Variants in ZC3H3 observed in about 807,000 individuals in gnomAD.
The protein encoded by ZC3H3 is zinc finger CCCH-type containing 3.
A neutral mutation model predicts 77.3 loss-of-function variants in ZC3H3; 36 were observed. The ratio of observed to expected loss-of-function variants is 0.47; its 90% confidence interval spans 0.36 to 0.61. ZC3H3 has a LOEUF of 0.61. Among genes scored for constraint, ZC3H3 ranks in the 20% least tolerant of loss-of-function variants. The probability of loss-of-function intolerance (pLI) is 0.00; values close to 1 mark genes in which losing one functional copy is unlikely to be tolerated. For synonymous variants in ZC3H3, 626 were observed against 555.2 expected, an observed-to-expected ratio of 1.13 and a Z score of -1.79; for missense variants, 1,331 against 1,312.2, an observed-to-expected ratio of 1.01 and a Z score of -0.22.
chr8:143,465,798 A>G lies in ZC3H3; in HGVS notation c.2226T>C (p.Cys742=). The part of the protein sequence containing the change: ...FLKGICSNSN[C]PYSHVYVSRK... ...GGGACACGTACACGTGGCTATAGGGACAGTTGCTGTTGCTGCAGATGCCCT... is the reference window on the plus strand; with the variant it reads ...GGGACACGTACACGTGGCTATAGGGGCAGTTGCTGTTGCTGCAGATGCCCT... The change falls in exon 9 of 12, where the codon TGT becomes TGC. Residue 742 remains cysteine, a synonymous_variant. Transcript: ENST00000262577. 6.2e-7 allele frequency: 1 copy of G among 1,613,704 alleles called. No individual in the cohort carries two copies. Among genetic ancestry groups the G allele is most frequent in the East Asian group, 2.2e-5 (1 of 44,880 alleles).
chr8:143,454,792 A>C (rs1820071916), intron 9 of ZC3H3, among the ~76,000 whole-genome samples: 1 of 152,172 alleles, frequency 6.6e-6, no homozygotes, highest in Non-Finnish European at 1.5e-5. Context: ...CCTGCCCAGG[A>C]CATGAATCAT....
intron 9 of ZC3H3, among the ~76,000 whole-genome samples, chr8:143,461,130 AAC>A (rs1820250814): frequency 6.6e-6 from 1 of 152,270 alleles, no homozygotes; most frequent in Non-Finnish European, 1.5e-5. Flanking sequence ...ATTAAAAAGT[AAC>A]ACAGTATATA....
rs1822792391 is a variant in ZC3H3, at chr8:143,536,268, G to A, written c.1550C>T (p.Pro517Leu). The A allele has an allele frequency of 6.2e-7, 1 of 1,611,102 alleles. No individual in the cohort carries two copies. Among genetic ancestry groups the A allele is most frequent in the Non-Finnish European group, 8.5e-7 (1 of 1,179,604 alleles). Reference protein sequence around the residue: ...CRLPPSRAHLPTKEASSLHAV... With the variant: ...CRLPPSRAHLLTKEASSLHAV... Reference sequence around the variant, plus strand: ...TGCTCCCAGCATACCTTCCTTGGTGGGGAGGTGGGCCCGGCTCGGTGGCAG... The same window carrying A: ...TGCTCCCAGCATACCTTCCTTGGTGAGGAGGTGGGCCCGGCTCGGTGGCAG... The change falls in exon 3 of 12, where the codon CCC (proline) becomes CTC (leucine). Residue 517 changes from proline (P) to leucine (L), a missense_variant. Physicochemically the swap from Pro to Leu is moderately conservative, Grantham distance 98 (BLOSUM62 -3). Coordinates refer to ENST00000262577, the MANE Select transcript of ZC3H3 (RefSeq NM_015117.3).
intron 9 of ZC3H3, among the ~76,000 whole-genome samples, chr8:143,451,406 A>C (rs1819983647): frequency 1.3e-5 from 2 of 152,144 alleles, no homozygotes; most frequent in Non-Finnish European, 2.9e-5. Flanking sequence ...GATGAAAAAA[A>C]CTCTAGACGC....
chr8:143,535,005 A>G (rs1286844227), intron 3 of ZC3H3, among the ~76,000 whole-genome samples: 1 of 150,742 alleles, frequency 6.6e-6, no homozygotes, highest in African/African-American at 2.4e-5. Flanking sequence ...AGCTCCTTCC[A>G]GAGCCGTCTG....
intron 9 of ZC3H3, among the ~76,000 whole-genome samples, chr8:143,450,812 C>A (rs534752162): frequency 6.6e-6 from 1 of 152,094 alleles, no homozygotes; most frequent in Admixed American, 6.5e-5. Context: ...ACTCCAACAT[C>A]GGGGATGATA....
In ZC3H3 at chr8:143,441,076, C is replaced by T; in HGVS notation, c.2352G>A (p.Arg784=). ...HTLLCPDFAR[R]GACPRGAQCQ... ...ACTGGGCGCCGCGGGGACACGCCCC[C>T]CTGCGGGCAAAGTCGGGGCACAGCA... Residue 784 remains arginine, a synonymous_variant, in exon 10 of 12, where the codon AGG becomes AGA. Coordinates refer to ENST00000262577, the MANE Select transcript of ZC3H3 (RefSeq NM_015117.3). The T allele has an allele frequency of 6.8e-7, 1 of 1,470,348 alleles. No homozygotes were observed. Among genetic ancestry groups the T allele is most frequent in the Non-Finnish European group, 8.9e-7 (1 of 1,122,170 alleles). 91.1% of individuals were successfully genotyped at this position (1,470,348 alleles called of 1,614,324 possible).
intron 3 of ZC3H3, among the ~76,000 whole-genome samples, chr8:143,534,659 A>G (rs1042137593): frequency 6.6e-6 from 1 of 151,892 alleles, no homozygotes; most frequent in Non-Finnish European, 1.5e-5. Flanking sequence ...CTCCTCCCCA[A>G]GTGACCAGGG....
intron 3 of ZC3H3, among the ~76,000 whole-genome samples, chr8:143,510,101 G>C (rs565099529): frequency 6.6e-6 from 1 of 152,224 alleles, no homozygotes; most frequent in African/African-American, 2.4e-5. Flanking sequence ...GTCAGGTCAG[G>C]CTTCTTTGCC....
intron 8 of ZC3H3, 30 bp downstream of exon 8, chr8:143,468,179 C>T (rs370157166): frequency 1.4e-5 from 22 of 1,599,444 alleles, no homozygotes; most frequent in South Asian, 7.8e-5. Context: ...GAAAGGTGCA[C>T]GGGAGCAGGG....
At position 143,468,489 on chromosome 8, in the gene ZC3H3, C is replaced by A; in HGVS notation, c.1998G>T (p.Arg666Ser). The A allele has an allele frequency of 6.2e-7, 1 of 1,608,480 alleles. No homozygotes were observed. The highest frequency in any genetic ancestry group is 8.5e-7 in the Non-Finnish European group (1 of 1,178,188). Reference protein sequence around the residue: ...LAIIRQARQRREKRKEYCMYY... With the variant: ...LAIIRQARQRSEKRKEYCMYY... ...ACATGCAGTACTCCTTCCTCTTCTC[C>A]CTGCGCTGCCGCGCCTGCCGGATGA... The change falls in exon 7 of 12, where the codon AGG becomes AGT. Residue 666 changes from arginine to serine, a missense_variant. Arg to Ser is a moderately radical substitution (Grantham distance 110). Transcript: ENST00000262577.
intron 4 of ZC3H3, among the ~76,000 whole-genome samples, chr8:143,486,475 T>C (rs573523349): frequency 6.6e-6 from 1 of 152,326 alleles, no homozygotes; most frequent in Non-Finnish European, 1.5e-5. Flanking sequence ...AGGACATTAG[T>C]CCTAGTGGAT....
In ZC3H3 at chr8:143,440,364, C is replaced by T; in HGVS notation, c.2493-1G>A. On this transcript the variant is annotated splice_acceptor_variant, in intron 10 of 11. Transcript: ENST00000262577. LOFTEE classifies it high-confidence loss of function. The stretch of plus-strand genomic sequence containing the variant: ...GGGGCGCTGGGATGCTGAAGGCTTC[C>T]TGCAGGGAAGGAAGGGGCAGACGTG... 1 of 1,521,318 alleles carries T rather than the reference C, an allele frequency of 6.6e-7. No individual in the cohort carries two copies. Among genetic ancestry groups the T allele is most frequent in the Non-Finnish European group, 8.8e-7 (1 of 1,133,254 alleles). The allele number at this position is 1,521,318 out of a possible 1,614,324, so 94.2% of individuals were successfully genotyped here.
rs1158059109 is a variant in ZC3H3, at chr8:143,481,957, GC to G, written c.1716-6373del. On this transcript the variant is annotated intron_variant, in intron 4 of 11. Transcript: ENST00000262577. ...CCGGCACTGAGCCAGCTGGGTCTCC[GC>G]CCTGGTTCACAGCTGAAAGGGGGCT... Among the ~76,000 whole-genome samples, 6 of 152,332 alleles carry G rather than the reference GC, an allele frequency of 3.9e-5. No homozygotes were observed. In the East Asian group the frequency reaches 7.7e-4, roughly 20 times the overall value.
chr8:143,504,284 T>C (rs893711019), intron 4 of ZC3H3, among the ~76,000 whole-genome samples: 3 of 151,776 alleles, frequency 2.0e-5, no homozygotes, highest in Admixed American at 6.5e-5. Flanking sequence ...CTCAGGGCGG[T>C]GCAGTCCCCG....
intron 3 of ZC3H3, among the ~76,000 whole-genome samples, chr8:143,510,213 T>C (rs1026574918): frequency 6.6e-6 from 1 of 152,120 alleles, no homozygotes; most frequent in African/African-American, 2.4e-5. Context: ...GCTGGGCAGG[T>C]ATATTCTGCA....
At chr8:143,506,553 G>C (rs1302149514) in intron 4 of ZC3H3, among the ~76,000 whole-genome samples, 2 of 152,058 alleles carry the variant, frequency 1.3e-5, no homozygotes, top group Non-Finnish European at 2.9e-5. Context: ...CTTATCGAGA[G>C]AATAAAAATT....
At chr8:143,478,176 C>T (rs1820795181) in intron 4 of ZC3H3, among the ~76,000 whole-genome samples, 1 of 152,214 alleles carries the variant, frequency 6.6e-6, no homozygotes, top group South Asian at 2.1e-4. Flanking sequence ...GGAGGGAGGC[C>T]CAGAACCCAG....
At chr8:143,537,642 G>A (rs1347010597) in intron 2 of ZC3H3, among the ~76,000 whole-genome samples, 1 of 152,058 alleles carries the variant, frequency 6.6e-6, no homozygotes, top group Non-Finnish European at 1.5e-5. Context: ...ATGGACCCTG[G>A]ACTGGTCCCT....
Sources: gnomAD v4.1 joint callset for allele counts (sites outside exome capture counted in the v4.1 genomes callset) on GRCh38, gnomAD v4.1.1 for gene constraint, MANE v1.5 for transcripts, NCBI Gene and HGNC (gene_info 2026-07-23, HGNC 2026-07-21) for gene names.